The following PCNT variants were observed in gnomAD, a reference collection of about 807,000 sequenced individuals.
PCNT encodes the protein kendrin.
A neutral mutation model predicts 380.4 loss-of-function variants in PCNT; 319 were observed. The observed-to-expected ratio is 0.84, with a 90% CI of 0.77 to 0.92. The LOEUF (loss-of-function observed/expected upper bound fraction) is 0.92. Ranked by LOEUF, PCNT falls within the 40% of genes least tolerant of loss-of-function variation. The probability of loss-of-function intolerance (pLI) is 0.00; values close to 1 mark genes in which losing one functional copy is unlikely to be tolerated. For synonymous variants in PCNT, 1,845 were observed against 1,735.2 expected (o/e 1.06, Z -1.57); for missense variants, 4,400 against 4,255.3 (o/e 1.03, Z -0.95).
intron 35 of PCNT, among the ~76,000 whole-genome samples, chr21:46,429,476 G>C (rs1445562798): frequency 6.6e-6 from 1 of 150,678 alleles, no homozygotes; most frequent in Non-Finnish European, 1.5e-5. Context: ...GCGATCGCTC[G>C]TGAGGGGCAT....
In PCNT at chr21:46,389,449, G is replaced by A. The variant is rs781282246; in HGVS notation, c.3840+18G>A. The A allele has an allele frequency of 8.8e-6, 14 of 1,597,690 alleles. No individual in the cohort carries two copies. The South Asian group carries it at 9.9e-5, about 11-fold the overall frequency. Reference sequence around the variant, plus strand: ...GCAGGCAGGTGAGGCCCAGGCTCCCGGGGTCCTGTGGAGATGTGAACAACT... The same window carrying A: ...GCAGGCAGGTGAGGCCCAGGCTCCCAGGGTCCTGTGGAGATGTGAACAACT... On this transcript the variant is annotated intron_variant, in intron 19 of 46. Transcript: ENST00000359568.
At chr21:46,386,475 T>A (rs73907478) in intron 17 of PCNT, among the ~76,000 whole-genome samples, 1 of 152,184 alleles carries the variant, frequency 6.6e-6, no homozygotes, top group South Asian at 2.1e-4. Flanking sequence ...CCTTTCTCCA[T>A]TGGGAGCCTG....
chr21:46,349,309 G>T (rs544959662), intron 7 of PCNT, 123 bp downstream of exon 7: 3 of 874,876 alleles, frequency 3.4e-6, no homozygotes, highest in African/African-American at 1.7e-5. Context: ...ATGCTGGATG[G>T]CCCCATGCAC....
intron 3 of PCNT, among the ~76,000 whole-genome samples, chr21:46,336,399 G>A (rs554168786): frequency 6.6e-5 from 10 of 152,278 alleles, no homozygotes; most frequent in Admixed American, 1.3e-4. Context: ...TCTTGGGACC[G>A]GGTCTCATTC....
chr21:46,383,954 G>T (rs1386587494), intron 16 of PCNT, among the ~76,000 whole-genome samples: 1 of 146,542 alleles, frequency 6.8e-6, no homozygotes, highest in Non-Finnish European at 1.5e-5. Flanking sequence ...TCACAGTGTT[G>T]TATATTCAGT....
intron 38 of PCNT, 83 bp from the exon 39 acceptor site, chr21:46,435,821 C>A: frequency 1.3e-6 from 2 of 1,538,248 alleles, no homozygotes; most frequent in Admixed American, 1.7e-5. Flanking sequence ...GGATTACAGG[C>A]ATGAACCACC....
At chr21:46,368,239 A>G (rs1020370041) in intron 15 of PCNT, among the ~76,000 whole-genome samples, 1 of 152,144 alleles carries the variant, frequency 6.6e-6, no homozygotes, top group Non-Finnish European at 1.5e-5. Flanking sequence ...AGGTCAGGTG[A>G]TCGAGACCAT....
rs866370795 is a variant in PCNT, at chr21:46,365,668, A to C, written c.2610-916A>C. ...TTCTATTCACTGCCATGGGGGTTCT[A>C]TTCATTCACTGCCATGGGGTTCTCC... is the stretch of plus-strand genomic sequence containing the variant. On this transcript the variant is annotated intron_variant, in intron 14 of 46. Transcript: ENST00000359568. Among the ~76,000 whole-genome samples the C allele has an allele frequency of 3.3e-4, 32 of 95,534 alleles. 1 individual carries two copies. Among genetic ancestry groups the C allele is most frequent in the Non-Finnish European group, 5.2e-4 (26 of 50,086 alleles). The allele number at this position is 95,534 out of a possible 152,430, so 62.7% of individuals were successfully genotyped here.
chr21:46,348,718 G>T (rs1258791281), intron 6 of PCNT, among the ~76,000 whole-genome samples: 1 of 152,066 alleles, frequency 6.6e-6, no homozygotes, highest in African/African-American at 2.4e-5. Context: ...GGGCTCAATT[G>T]ATCCTCCTGC....
intron 27 of PCNT, 46 bp downstream of exon 27, chr21:46,402,529 T>C (rs1169054496): frequency 1.2e-6 from 2 of 1,607,752 alleles, no homozygotes; most frequent in Non-Finnish European, 1.7e-6. Context: ...ATGTTGCTTA[T>C]GCCGGTGCCG....
intron 15 of PCNT, among the ~76,000 whole-genome samples, chr21:46,380,030 GTTTTC>G (rs2085460841): frequency 6.6e-6 from 1 of 151,270 alleles, no homozygotes; most frequent in Non-Finnish European, 1.5e-5. Context: ...ATTCTCAAGT[GTTTTC>G]TTTTGTTTTT....
intron 27 of PCNT, among the ~76,000 whole-genome samples, chr21:46,405,113 G>C (rs1035065428): frequency 1.1e-4 from 16 of 152,086 alleles, no homozygotes; most frequent in African/African-American, 3.6e-4. Context: ...TACACCTATA[G>C]TACCAGCTAC....
At chr21:46,367,233 G>A (rs898659907) in intron 15 of PCNT, 94 bp downstream of exon 15, 5 of 1,067,224 alleles carry the variant, frequency 4.7e-6, no homozygotes, top group Non-Finnish European at 7.0e-6. Flanking sequence ...TGCGTGCTGT[G>A]TGTGCCTGTG....
At chr21:46,367,576 G>C (rs1486812587) in intron 15 of PCNT, among the ~76,000 whole-genome samples, 1 of 152,148 alleles carries the variant, frequency 6.6e-6, no homozygotes, top group Non-Finnish European at 1.5e-5. Flanking sequence ...CAAAGTGCTG[G>C]GATTACAGGT....
intron 2 of PCNT, 94 bp downstream of exon 2, chr21:46,326,683 C>T (rs1035219959): frequency 2.2e-6 from 3 of 1,357,318 alleles, no homozygotes; most frequent in East Asian, 2.3e-5. Flanking sequence ...CTGTTTTTGC[C>T]TTTCAAAAGT....
chr21:46,356,367 A>C (rs2084477781), intron 12 of PCNT, among the ~76,000 whole-genome samples: 1 of 151,406 alleles, frequency 6.6e-6, no homozygotes, highest in South Asian at 2.1e-4. Context: ...TCTGGTCCTC[A>C]CTCCTGCCTG....
chr21:46,326,659 A>T, intron 2 of PCNT, 70 bp downstream of exon 2: 1 of 1,496,740 alleles, frequency 6.7e-7, no homozygotes, highest in Admixed American at 1.7e-5. Flanking sequence ...GATTTACTAA[A>T]GATGGTCTTT....
Position 46,412,009 on chromosome 21 carries a change from C to T in PCNT, c.5936C>T (p.Thr1979Ile). 1 of 1,607,198 alleles carries T rather than the reference C, an allele frequency of 6.2e-7. No individual in the cohort carries two copies. Among genetic ancestry groups the T allele is most frequent in the Non-Finnish European group, 8.5e-7 (1 of 1,179,840 alleles). ...GATGGTGGCGCCAAGGCCCAGGTCA[C>T]CGGCGACGTGGAGGCCTCCCATGAT... ...RMDGGAKAQVTGDVEASHDAA... is the reference protein window; with the variant it reads ...RMDGGAKAQVIGDVEASHDAA... The change falls in exon 28 of 47, where the codon ACC (threonine) becomes ATC (isoleucine). Residue 1979 changes from threonine (T) to isoleucine (I), a missense_variant. Thr to Ile is a moderately conservative substitution (Grantham distance 89). Coordinates refer to ENST00000359568, the MANE Select transcript of PCNT (RefSeq NM_006031.6).
Position 46,427,681 on chromosome 21 carries a change from C to T in PCNT, c.7380C>T (p.Ala2460=), listed in dbSNP as rs965341453. 8.7e-6 allele frequency: 14 copies of T among 1,613,944 alleles called. No individual in the cohort carries two copies. Among genetic ancestry groups the T allele is most frequent in the Non-Finnish European group, 1.2e-5 (14 of 1,180,026 alleles). Residue 2460 remains alanine (A), a synonymous_variant, in exon 34 of 47, where the codon GCC becomes GCT. Transcript: ENST00000359568. ...RGDLLQVVQE[A]FEKEQEMQGV... ...ACCTTCTGCAGGTTGTGCAAGAGGCCTTTGAAAAAGAGCAGGAGATGCAGG... is the reference window on the plus strand; with the variant it reads ...ACCTTCTGCAGGTTGTGCAAGAGGCTTTTGAAAAAGAGCAGGAGATGCAGG...
Sources: allele counts gnomAD v4.1 joint callset (sites outside exome capture counted in the v4.1 genomes callset), GRCh38; gene constraint gnomAD v4.1.1; transcripts MANE v1.5; gene names NCBI Gene and HGNC (gene_info 2026-07-23, HGNC 2026-07-21).